NKD2: variants seen among roughly 807,000 people sequenced by gnomAD.
NKD2 encodes the protein NKD inhibitor of Wnt signaling pathway 2.
NKD2 carries 43 observed loss-of-function variants against 34.8 expected under a neutral mutation model. That is an observed-to-expected ratio of 1.24 (90% CI 0.97 to 1.60). NKD2 has a LOEUF of 1.60. Ranked by LOEUF, NKD2 falls within the 40% of genes most tolerant of loss-of-function variation. The pLI is 0.00. For synonymous variants in NKD2, 278 were observed against 265.1 expected (o/e 1.05, Z -0.47); for missense variants, 675 against 627.1 (o/e 1.08, Z -0.82).
intron 3 of NKD2, among the ~76,000 whole-genome samples, chr5:1,013,393 C>A (rs567786911): frequency 2.0e-5 from 3 of 152,312 alleles, no homozygotes; most frequent in Admixed American, 1.3e-4. Flanking sequence ...CGTGTTCCTA[C>A]CCTGGGATGT....
intron 3 of NKD2, among the ~76,000 whole-genome samples, chr5:1,018,543 G>A (rs1756048724): frequency 6.6e-6 from 1 of 152,052 alleles, no homozygotes; most frequent in East Asian, 1.9e-4. Flanking sequence ...GTGTTGGGGG[G>A]AGAGACTGGT....
chr5:1,009,550 G>C lies in NKD2; in HGVS notation c.131G>C (p.Arg44Pro). 6.7e-7 allele frequency: 1 copy of C among 1,486,318 alleles called. No individual in the cohort carries two copies. Among genetic ancestry groups the C allele is most frequent in the Admixed American group, 2.3e-5 (1 of 43,438 alleles). The allele number at this position is 1,486,318 out of a possible 1,614,324, so 92.1% of individuals were successfully genotyped here. ...KGAEEAERRA[R>P]DKQELPNGDP... ...GCGGAGGAAGCGGAGCGGCGCGCGC[G>C]GGACAAGCAGGTAGGCGGCGGGGCG... Residue 44 changes from arginine to proline, a missense_variant, in exon 3 of 10, where the codon CGG becomes CCG. Coordinates refer to ENST00000296849, the MANE Select transcript of NKD2 (RefSeq NM_033120.4). This position sits in a 1 kb window ranked among gnomAD's most constrained non-coding sequence, Gnocchi z 6.9.
Position 1,038,315 on chromosome 5 carries a change from A to AC in NKD2, c.1300dup (p.His434ProfsTer97). On this transcript the variant is annotated frameshift_variant, in exon 10 of 10. Coordinates refer to ENST00000296849, the MANE Select transcript of NKD2 (RefSeq NM_033120.4). LOFTEE classifies it high-confidence loss of function. The surrounding 1 kb of genome is among the most constrained non-coding windows in gnomAD (Gnocchi z 4.5). ...GTGCCAGTGATCCAGCGGCACGAGC[A>AC]CCACCACCACCACGAGCACCACCAC... 6.5e-7 allele frequency: 1 copy of AC among 1,531,060 alleles called. No homozygotes were observed. The highest frequency in any genetic ancestry group is 8.7e-7 in the Non-Finnish European group (1 of 1,143,636). 94.8% of individuals were successfully genotyped at this position (1,531,060 alleles called of 1,614,324 possible).
chr5:1,009,197 GGAGA>G lies in NKD2; in HGVS notation c.50_53del (p.Glu17AlafsTer154), dbSNP rs1169725896. On this transcript the variant is annotated frameshift_variant, in exon 2 of 10. Transcript: ENST00000296849. LOFTEE classifies it high-confidence loss of function. The surrounding 1 kb of genome is among the most constrained non-coding windows in gnomAD (Gnocchi z 6.9). ...GCCGCAGCCGCCGCCGCCCGCAAGC[GGAGA>G]GAGAGCCCGGAAGGTGAGCGGGCGA... The G allele has an allele frequency of 8.9e-6, 5 of 564,400 alleles. No homozygotes were observed. The East Asian group carries it at 1.1e-4, about 12-fold the overall frequency. The allele number at this position is 564,400 out of a possible 1,614,324, so 35.0% of individuals were successfully genotyped here. A position where few individuals can be genotyped will look rare whatever the true frequency, so the allele number is the denominator to read the frequency against.
At chr5:1,028,799 C>T (rs1366229205) in intron 3 of NKD2, among the ~76,000 whole-genome samples, 7 of 151,940 alleles carry the variant, frequency 4.6e-5, no homozygotes, top group Admixed American at 2.6e-4. Flanking sequence ...AGGGTTGGGC[C>T]CTCGGGAGGG....
intron 3 of NKD2, among the ~76,000 whole-genome samples, chr5:1,026,757 C>T (rs539206422): frequency 6.6e-6 from 1 of 152,388 alleles, no homozygotes; most frequent in East Asian, 1.9e-4. Flanking sequence ...CCACGTCCAG[C>T]ATCCTCCCAG....
In NKD2 at chr5:1,035,846, G is replaced by T. The variant is rs539561989; in HGVS notation, c.659+373G>T. 2,414 of 382,584 alleles carry T rather than the reference G, an allele frequency of 6.3e-3. 21 individuals are homozygous for T. Among genetic ancestry groups the T allele is most frequent in the Admixed American group, 8.1e-3 (187 of 23,228 alleles). The allele number at this position is 382,584 out of a possible 1,614,324, so 23.7% of individuals were successfully genotyped here. A position where few individuals can be genotyped will look rare whatever the true frequency, so the allele number is the denominator to read the frequency against. On this transcript the variant is annotated intron_variant, in intron 8 of 9. Transcript: ENST00000296849. ...GTGGCTGGGGCAGTGGTTGGGGGTG[G>T]CTGGGGCAATGGCTAAGGGTGGCTG...
rs1006463541 is a variant in NKD2, at chr5:1,021,449, G to A, written c.142-10703G>A. Among the ~76,000 whole-genome samples the A allele has an allele frequency of 7.5e-5, 11 of 145,766 alleles. No homozygotes were observed. The East Asian group carries it at 2.1e-3, about 27-fold the overall frequency. On this transcript the variant is annotated intron_variant, in intron 3 of 9. Coordinates refer to ENST00000296849, the MANE Select transcript of NKD2 (RefSeq NM_033120.4). ...CCCAGCCCCTCCCCACAGGGCCTCAGTCTCATAGTACTTAAATCTTTCACT... is the reference window on the plus strand; with the variant it reads ...CCCAGCCCCTCCCCACAGGGCCTCAATCTCATAGTACTTAAATCTTTCACT...
chr5:1,032,569 C>T (rs972712853), intron 4 of NKD2, among the ~76,000 whole-genome samples: 4 of 152,214 alleles, frequency 2.6e-5, no homozygotes, highest in Admixed American at 6.5e-5. Context: ...GTGTGAGATG[C>T]TGGCCCAGCC....
intron 3 of NKD2, among the ~76,000 whole-genome samples, chr5:1,015,145 G>A (rs1560983750): frequency 6.6e-6 from 1 of 152,258 alleles, no homozygotes; most frequent in Non-Finnish European, 1.5e-5. Context: ...GTGCCGGGGT[G>A]CTGCAAGCCA....
rs760343742 is a variant in NKD2 at position 1,037,923 on chromosome 5, G to C, written c.906G>C (p.Leu302=). 6.2e-7 allele frequency: 1 copy of C among 1,607,394 alleles called. No individual in the cohort carries two copies. The highest frequency in any genetic ancestry group is 1.7e-5 in the Admixed American group (1 of 59,824). The change falls in exon 10 of 10, where the codon CTG becomes CTC. Residue 302 remains leucine (L), a synonymous_variant. Coordinates refer to ENST00000296849, the MANE Select transcript of NKD2 (RefSeq NM_033120.4). ...TACACCACCGCAGGTCACAGGTGCT[G>C]GTGGAACACGTCGTGCCAGCCTCGG... ...HAVHHRRSQV[L]VEHVVPASEP...
intron 3 of NKD2, among the ~76,000 whole-genome samples, chr5:1,021,701 C>G (rs968514981): frequency 6.6e-5 from 10 of 151,962 alleles, no homozygotes; most frequent in Admixed American, 1.3e-4. Context: ...AAGTCAAATT[C>G]CATCCTATGG....
rs750421866 is a variant in NKD2, at chr5:1,035,403, C to T, written c.589C>T (p.Arg197Cys). 18 of 1,558,622 alleles carry T rather than the reference C, an allele frequency of 1.2e-5. No homozygotes were observed. The highest frequency in any genetic ancestry group is 3.8e-5 in the Admixed American group (2 of 52,210). ...CCCCCTTTCAGACCGGGAGCCCACC[C>T]GTTGCAGGATGGAGGGTGAACTGGC... Reference protein sequence around the residue: ...PPAGQDREPTRCRMEGELAEE... With the variant: ...PPAGQDREPTCCRMEGELAEE... Residue 197 changes from arginine (R) to cysteine (C), a missense_variant, in exon 8 of 10, where the codon CGT becomes TGT. Arg to Cys is a radical substitution (Grantham distance 180). Transcript: ENST00000296849.
rs370432873 is a variant in NKD2, at chr5:1,026,941, G to A, written c.142-5211G>A. 1.2e-4 allele frequency among the ~76,000 whole-genome samples: 18 copies of A among 152,368 alleles called. No individual in the cohort carries two copies. The East Asian group carries it at 2.3e-3, about 20-fold the overall frequency. On this transcript the variant is annotated intron_variant, in intron 3 of 9. Transcript: ENST00000296849. ...GCCTGAGCCCCACAAACTGGCCCTCGATGCCACGACAGCCCCGTAATTCTG... is the reference window on the plus strand; with the variant it reads ...GCCTGAGCCCCACAAACTGGCCCTCAATGCCACGACAGCCCCGTAATTCTG...
At chr5:1,015,324 C>A (rs78196392) in intron 3 of NKD2, among the ~76,000 whole-genome samples, 1 of 152,208 alleles carries the variant, frequency 6.6e-6, no homozygotes, top group Non-Finnish European at 1.5e-5. Flanking sequence ...TGGGGTCCAC[C>A]GTCCTTCCTG....
At chr5:1,028,191 A>C (rs967907492) in intron 3 of NKD2, among the ~76,000 whole-genome samples, 1 of 151,288 alleles carries the variant, frequency 6.6e-6, no homozygotes, top group Non-Finnish European at 1.5e-5. Context: ...TGTGGCGGGG[A>C]TCAGATGTCC....
intron 8 of NKD2, chr5:1,035,944 C>A: frequency 2.5e-6 from 1 of 402,086 alleles, no homozygotes; most frequent in South Asian, 5.5e-5. Context: ...TGGGGTGTGG[C>A]TGGCGCAGTG....
intron 6 of NKD2, 99 bp from the exon 7 acceptor site, chr5:1,034,657 G>A: frequency 1.6e-6 from 2 of 1,250,410 alleles, no homozygotes; most frequent in East Asian, 2.4e-5. Flanking sequence ...TGCAAGGATG[G>A]CATAGGAAGG....
intron 5 of NKD2, 91 bp from the exon 6 acceptor site, chr5:1,034,143 TG>T: frequency 1.1e-6 from 1 of 920,024 alleles, no homozygotes. Flanking sequence ...GAGGGACCCC[TG>T]GGAAAGGCCC....
Sources: allele counts gnomAD v4.1 joint callset (sites outside exome capture counted in the v4.1 genomes callset), GRCh38; gene constraint gnomAD v4.1.1; non-coding constraint Gnocchi (gnomAD v3.1); transcripts MANE v1.5; gene names NCBI Gene and HGNC (gene_info 2026-07-23, HGNC 2026-07-21).